Variants in ETNPPL observed in about 807,000 individuals in gnomAD.
ETNPPL encodes alanine--glyoxylate aminotransferase 2-like 1.
Under a neutral mutation model 55.5 loss-of-function variants are expected in ETNPPL, and 30 were observed. The observed-to-expected ratio is 0.54, with a 90% confidence interval of 0.40 to 0.73. The LOEUF is 0.73. ETNPPL is among the 30% of genes least tolerant of loss of function. ETNPPL has a pLI of 0.00. For missense variants in ETNPPL, 528 were observed against 607.9 expected (o/e 0.87, Z 1.38); for synonymous variants, 202 against 207.2 (o/e 0.98, Z 0.21).
intron 7 of ETNPPL, among the ~76,000 whole-genome samples, chr4:108,750,548 T>C (rs1728850816): frequency 6.7e-6 from 1 of 148,552 alleles, no homozygotes; most frequent in South Asian, 2.1e-4. Flanking sequence ...ATATATACGA[T>C]ATATATGATA....
intron 12 of ETNPPL, among the ~76,000 whole-genome samples, chr4:108,743,509 C>T (rs1728316490): frequency 6.6e-6 from 1 of 152,296 alleles, no homozygotes; most frequent in Non-Finnish European, 1.5e-5. Flanking sequence ...TTAATTCTCT[C>T]TATATATATT....
intron 5 of ETNPPL, among the ~76,000 whole-genome samples, chr4:108,753,578 C>A (rs1729015391): frequency 6.6e-6 from 1 of 151,808 alleles, no homozygotes; most frequent in Non-Finnish European, 1.5e-5. Context: ...CCTGTCTCTA[C>A]AAAAAATACA....
At position 108,762,824 on chromosome 4, in the gene ETNPPL, C is replaced by G. The variant is rs748422050; in HGVS notation, c.56+19G>C. 5 of 1,613,836 alleles carry G rather than the reference C, an allele frequency of 3.1e-6. No homozygotes were observed. In the South Asian group the frequency reaches 5.5e-5, roughly 18 times the overall value. ...ATTGCCCCCTCTCTGCACTTACTTC[C>G]GGGCCAGGGTGCCCTTACCCGATGT... is the stretch of plus-strand genomic sequence containing the variant. On this transcript the variant is annotated intron_variant, in intron 1 of 12. Transcript: ENST00000296486.
At position 108,759,738 on chromosome 4, in the gene ETNPPL, A is replaced by G. The variant is rs1217799010; in HGVS notation, c.335+11T>C. The G allele has an allele frequency of 1.9e-6, 3 of 1,613,794 alleles. No individual in the cohort carries two copies. In the East Asian group the frequency reaches 6.7e-5, roughly 36 times the overall value. On this transcript the variant is annotated intron_variant, in intron 3 of 12. Coordinates refer to ENST00000296486, the MANE Select transcript of ETNPPL (RefSeq NM_031279.4). ...TGGGAATGGGGAGGGGTGGGAAACC[A>G]TGAAGCATACCCTGAATTTGTAAAA...
Position 108,743,793 on chromosome 4 carries a change from G to T in ETNPPL, c.1367C>A (p.Thr456Lys). The T allele has an allele frequency of 6.2e-7, 1 of 1,605,790 alleles. No homozygotes were observed. Among genetic ancestry groups the T allele is most frequent in the Non-Finnish European group, 8.5e-7 (1 of 1,172,890 alleles). ...AATAAAGTAGCCAACCCTTACCTTTGTTTTGCATGGAGTATTCTCAGAGGT... is the reference window on the plus strand; with the variant it reads ...AATAAAGTAGCCAACCCTTACCTTTTTTTTGCATGGAGTATTCTCAGAGGT... ...SVTSENTPCK[T>K]KMLKEAHIEL... The change falls in exon 12 of 13, where the codon ACA becomes AAA. Residue 456 changes from threonine to lysine, a missense_variant. Coordinates refer to ENST00000296486, the MANE Select transcript of ETNPPL (RefSeq NM_031279.4).
At position 108,748,071 on chromosome 4, in the gene ETNPPL, A is replaced by G. The variant is rs760371510; in HGVS notation, c.1016T>C (p.Val339Ala). The G allele has an allele frequency of 2.5e-6, 4 of 1,611,164 alleles. No individual in the cohort carries two copies. The South Asian group carries it at 4.4e-5, about 18-fold the overall frequency. The change falls in exon 9 of 13, where the codon GTA (valine) becomes GCA (alanine). Residue 339 changes from valine to alanine, a missense_variant. Physicochemically the swap from Val to Ala is moderately conservative, Grantham distance 64. Transcript: ENST00000296486. ...NEDLQGNAKR[V>A]GNYLTELLKK... is the part of the protein sequence containing the mutation. ...CAGTAACTCAGTGAGATAATTCCCT[A>G]CTCTCTTGGCATTTCCTTGAAGGTC...
intron 4 of ETNPPL, among the ~76,000 whole-genome samples, chr4:108,755,308 C>T (rs1402956267): frequency 6.6e-6 from 1 of 152,132 alleles, no homozygotes; most frequent in African/African-American, 2.4e-5. Flanking sequence ...ATTAACTCAA[C>T]ATGGATTAAA....
intron 1 of ETNPPL, chr4:108,762,585 C>A: frequency 1.6e-6 from 1 of 626,458 alleles, no homozygotes; most frequent in South Asian, 1.9e-5. Flanking sequence ...GGCCGGCAGC[C>A]CCCGCTAGTC....
chr4:108,747,978 T>C (rs753755891), intron 9 of ETNPPL, 27 bp downstream of exon 9: 1 of 1,583,844 alleles, frequency 6.3e-7, no homozygotes, highest in Non-Finnish European at 8.6e-7. Flanking sequence ...AATGAGTAAC[T>C]ACATGACAAC....
Position 108,742,460 on chromosome 4 carries a change from A to T in ETNPPL, c.*24T>A, listed in dbSNP as rs747681817. On this transcript the variant is annotated 3_prime_UTR_variant, in exon 13 of 13. Coordinates refer to ENST00000296486, the MANE Select transcript of ETNPPL (RefSeq NM_031279.4). ...CATTCTCTGTAACTCTGGACATCGC[A>T]TCTTGCTTTAAAATGCAAATCAGTC... is the stretch of plus-strand genomic sequence containing the variant. 6.2e-7 allele frequency: 1 copy of T among 1,613,434 alleles called. No individual in the cohort carries two copies. Among genetic ancestry groups the T allele is most frequent in the African/African-American group, 1.3e-5 (1 of 74,930 alleles).
chr4:108,753,495 A>G (rs1395738446), intron 5 of ETNPPL, among the ~76,000 whole-genome samples: 1 of 152,062 alleles, frequency 6.6e-6, no homozygotes, highest in Non-Finnish European at 1.5e-5. Flanking sequence ...TAATCCCAGC[A>G]CTTTGGGAGG....
chr4:108,747,591 C>T (rs1728668458), intron 9 of ETNPPL, among the ~76,000 whole-genome samples: 1 of 151,934 alleles, frequency 6.6e-6, no homozygotes, highest in African/African-American at 2.4e-5. Flanking sequence ...TGAACCACCA[C>T]ATCCGGCCCC....
intron 5 of ETNPPL, 116 bp downstream of exon 5, chr4:108,754,504 A>G (rs1391387371): frequency 6.2e-6 from 4 of 649,160 alleles, no homozygotes; most frequent in South Asian, 5.9e-5. Context: ...AAGCCACATA[A>G]CTGCTCTTGA....
At chr4:108,744,252 C>T (rs939639357) in intron 11 of ETNPPL, among the ~76,000 whole-genome samples, 7 of 150,568 alleles carry the variant, frequency 4.6e-5, no homozygotes, top group Admixed American at 2.6e-4. Context: ...CAGAGTGAGA[C>T]TCTGTCTCAA....
At chr4:108,749,522 A>C in intron 7 of ETNPPL, 59 bp from the exon 8 acceptor site, 1 of 1,262,586 alleles carries the variant, frequency 7.9e-7, no homozygotes, top group Non-Finnish European at 1.1e-6. Flanking sequence ...AAACCCACCC[A>C]CAAAGATGCA....
chr4:108,757,306 A>T (rs1052738712), intron 3 of ETNPPL, among the ~76,000 whole-genome samples: 1 of 152,262 alleles, frequency 6.6e-6, no homozygotes, highest in Non-Finnish European at 1.5e-5. Flanking sequence ...TCCGTTAAAC[A>T]TCATGCTGAG....
rs1560650694 is a variant in ETNPPL at position 108,747,210 on chromosome 4, TA to T, written c.1083-360del. Among the ~76,000 whole-genome samples, 18 of 5,110 alleles carry T rather than the reference TA, an allele frequency of 3.5e-3. 1 individual carries two copies. The highest frequency in any genetic ancestry group is 0.016 in the African/African-American group (18 of 1,152). The allele number at this position is 5,110 out of a possible 152,430, so 3.4% of individuals were successfully genotyped here. A position where few individuals can be genotyped will look rare whatever the true frequency, so the allele number is the denominator to read the frequency against. On this transcript the variant is annotated intron_variant, in intron 9 of 12. Transcript: ENST00000296486. ...ATATATATATTATATATATATATAATATATATATATATATTATATATATATA... is the reference window on the plus strand; with the variant it reads ...ATATATATATTATATATATATATAATTATATATATATATTATATATATATA...
rs1728244093 is a variant in ETNPPL at position 108,742,077 on chromosome 4, CAATA to C, written c.*403_*406del. 6.5e-6 allele frequency: 1 copy of C among 153,146 alleles called. No homozygotes were observed. The highest frequency in any genetic ancestry group is 2.1e-4 in the South Asian group (1 of 4,878). The allele number at this position is 153,146 out of a possible 1,614,324, so 9.5% of individuals were successfully genotyped here. A position where few individuals can be genotyped will look rare whatever the true frequency, so the allele number is the denominator to read the frequency against. ...ACATCATATTTTATTTTATTACAGT[CAATA>C]AATATACTTTTATATATGAAATCAT... On this transcript the variant is annotated 3_prime_UTR_variant, in exon 13 of 13. Transcript: ENST00000296486.
intron 3 of ETNPPL, 66 bp downstream of exon 3, chr4:108,759,683 G>C: frequency 1.3e-6 from 2 of 1,518,404 alleles, no homozygotes; most frequent in East Asian, 4.5e-5. Context: ...CAAAAGGAAA[G>C]ATTTGTGTGC....
Sources: gnomAD v4.1 joint callset for allele counts (sites outside exome capture counted in the v4.1 genomes callset) on GRCh38, gnomAD v4.1.1 for gene constraint, MANE v1.5 for transcripts, NCBI Gene and HGNC (gene_info 2026-07-23, HGNC 2026-07-21) for gene names.